Variants in PGF observed in about 807,000 individuals in gnomAD.
PGF encodes the protein placenta growth factor.
In PGF, 11 loss-of-function variants were observed where a neutral mutation model predicts 25.3. The ratio of observed to expected loss-of-function variants is 0.43; its 90% CI spans 0.27 to 0.72. PGF has a LOEUF of 0.72. Ranked by LOEUF, PGF falls within the 30% of genes least tolerant of loss-of-function variation. The pLI, the probability that PGF is intolerant of heterozygous loss-of-function variation, is 0.18. For missense variants in PGF, 230 were observed against 234.9 expected (o/e 0.98, Z 0.14); for synonymous variants, 105 against 97.9 (o/e 1.07, Z -0.43).
At chr14:74,951,357 A>G (rs1383920213) in intron 2 of PGF, among the ~76,000 whole-genome samples, 1 of 152,160 alleles carries the variant, frequency 6.6e-6, no homozygotes, top group Non-Finnish European at 1.5e-5. Context: ...TGCCTTTGCA[A>G]TCCTGGGTCA....
At position 74,948,158 on chromosome 14, in the gene PGF, C is replaced by T. The variant is rs57428457; in HGVS notation, c.392+349G>A. The T allele has an allele frequency of 7.5e-3, 1,684 of 223,488 alleles. 18 individuals are homozygous for T. Among genetic ancestry groups the T allele is most frequent in the African/African-American group, 0.033 (1,476 of 44,258 alleles). The allele number at this position is 223,488 out of a possible 1,614,324, so 13.8% of individuals were successfully genotyped here. On this transcript the variant is annotated intron_variant, in intron 4 of 6. Transcript: ENST00000555567. ...CTTGCAATGTCTTTGCCTCCAGGCA[C>T]CTCTTTCAGAGGCCCGTGGCAGCTG... is the stretch of plus-strand genomic sequence containing the variant.
rs766954932 is a variant in PGF, at chr14:74,948,567, G to C, written c.332C>G (p.Ser111Cys). 1.2e-6 allele frequency: 2 copies of C among 1,603,714 alleles called. No homozygotes were observed. The highest frequency in any genetic ancestry group is 1.7e-6 in the Non-Finnish European group (2 of 1,172,082). The change falls in exon 4 of 7, where the codon TCT becomes TGT. Residue 111 changes from serine (S) to cysteine (C), a missense_variant. Coordinates refer to ENST00000555567, the MANE Select transcript of PGF (RefSeq NM_002632.6). ...CTCCACGTAGGAGGGCCGGTCCCCA[G>C]AACGGATCTTTAGGAGCTGAAGGAA... ...NVTMQLLKIR[S>C]GDRPSYVELT...
chr14:74,953,783 A>C lies in PGF; in HGVS notation c.118+121T>G. On this transcript the variant is annotated intron_variant, in intron 2 of 6. Transcript: ENST00000555567. The surrounding 1 kb of genome is among the most constrained non-coding windows in gnomAD (Gnocchi z 5.4). ...GCCAAAGTCATCACCCAGCATGTCT[A>C]GCTTGTAGGCTCTCCCCAGCTTTTA... The C allele has an allele frequency of 1.0e-6, 1 of 982,456 alleles. No homozygotes were observed. Among genetic ancestry groups the C allele is most frequent in the Non-Finnish European group, 1.6e-6 (1 of 608,376 alleles). The allele number at this position is 982,456 out of a possible 1,614,324, so 60.9% of individuals were successfully genotyped here. A position where few individuals can be genotyped will look rare whatever the true frequency, so the allele number is the denominator to read the frequency against.
chr14:74,953,146 C>T lies in PGF; in HGVS notation c.118+758G>A, dbSNP rs61757881. 4.5e-3 allele frequency among the ~76,000 whole-genome samples: 678 copies of T among 152,300 alleles called. 5 individuals carry two copies. Among genetic ancestry groups the T allele is most frequent in the African/African-American group, 0.016 (655 of 41,566 alleles). On this transcript the variant is annotated intron_variant, in intron 2 of 6. Coordinates refer to ENST00000555567, the MANE Select transcript of PGF (RefSeq NM_002632.6). The surrounding 1 kb of genome is among the most constrained non-coding windows in gnomAD (Gnocchi z 5.4). ...GAGGCGGGCTGCCAGGCAGGCAGCC[C>T]AGCAGAGGGTGTTCCCAGCACGCAG...
chr14:74,952,261 G>A (rs1443205059), intron 2 of PGF, among the ~76,000 whole-genome samples: 2 of 152,228 alleles, frequency 1.3e-5, no homozygotes, highest in African/African-American at 2.4e-5. Context: ...GCTGGGCAGA[G>A]CCACTGGCCA....
intron 3 of PGF, among the ~76,000 whole-genome samples, chr14:74,948,879 A>C (rs1888806935): frequency 6.6e-6 from 1 of 152,324 alleles, no homozygotes; most frequent in South Asian, 2.1e-4. Context: ...CCTGCTGAAC[A>C]AGTGAAATAA....
intron 1 of PGF, among the ~76,000 whole-genome samples, chr14:74,954,385 C>T (rs1024090932): frequency 6.6e-6 from 1 of 152,130 alleles, no homozygotes; most frequent in Non-Finnish European, 1.5e-5. Context: ...CAGCCGGTAA[C>T]GTTACACCTC....
chr14:74,946,752 C>T (rs531385937), intron 4 of PGF: 174 of 702,950 alleles, frequency 2.5e-4, no homozygotes, highest in East Asian at 1.3e-4. Flanking sequence ...TGCTTTTTTC[C>T]GTTCCTTCCA....
At chr14:74,946,612 C>A (rs1401874388) in intron 4 of PGF, 1 of 632,272 alleles carries the variant, frequency 1.6e-6, no homozygotes, top group Non-Finnish European at 2.9e-6. Flanking sequence ...TCTGGTGACC[C>A]CACCACGAGA....
chr14:74,945,982 G>A, intron 6 of PGF: 1 of 569,456 alleles, frequency 1.8e-6, no homozygotes, highest in Non-Finnish European at 3.1e-6. Context: ...GGCTGACAAA[G>A]GTGAAATGAT....
chr14:74,951,668 A>G (rs748673793), intron 2 of PGF, among the ~76,000 whole-genome samples: 1 of 152,144 alleles, frequency 6.6e-6, no homozygotes, highest in Non-Finnish European at 1.5e-5. Context: ...TCGGCAGCAG[A>G]AGAAGGGATT....
chr14:74,947,905 C>T (rs1317522565), intron 4 of PGF: 2 of 152,370 alleles, frequency 1.3e-5, no homozygotes, highest in African/African-American at 2.4e-5. Flanking sequence ...CCTGTTGCTC[C>T]TGCTAACCAA....
At chr14:74,951,564 A>G (rs956813260) in intron 2 of PGF, among the ~76,000 whole-genome samples, 10 of 152,244 alleles carry the variant, frequency 6.6e-5, no homozygotes. Flanking sequence ...ACAGCAGCAG[A>G]GAAGGGGCAC....
In PGF at chr14:74,953,182, C is replaced by T. The variant is rs767799852; in HGVS notation, c.118+722G>A. 3.9e-5 allele frequency among the ~76,000 whole-genome samples: 6 copies of T among 152,342 alleles called. No homozygotes were observed. Among genetic ancestry groups the T allele is most frequent in the African/African-American group, 7.2e-5 (3 of 41,586 alleles). On this transcript the variant is annotated intron_variant, in intron 2 of 6. Coordinates refer to ENST00000555567, the MANE Select transcript of PGF (RefSeq NM_002632.6). The surrounding 1 kb of genome is among the most constrained non-coding windows in gnomAD (Gnocchi z 5.4). ...GTTCCCAGCACGCAGATGGCTATCA[C>T]GCGTGTGCGTGTGCATGTCCCTACA...
At chr14:74,948,411 G>A (rs1888790947) in intron 4 of PGF, 96 bp downstream of exon 4, 2 of 675,430 alleles carry the variant, frequency 3.0e-6, no homozygotes, top group Non-Finnish European at 5.1e-6. Flanking sequence ...CAGCGGGGAT[G>A]GGCAGCCTTT....
At position 74,950,111 on chromosome 14, in the gene PGF, C is replaced by T. The variant is rs1022404217; in HGVS notation, c.119-558G>A. Among the ~76,000 whole-genome samples, 6 of 152,178 alleles carry T rather than the reference C, an allele frequency of 3.9e-5. No individual in the cohort carries two copies. In the East Asian group the frequency reaches 9.6e-4, roughly 24 times the overall value. On this transcript the variant is annotated intron_variant, in intron 2 of 6. Coordinates refer to ENST00000555567, the MANE Select transcript of PGF (RefSeq NM_002632.6). The surrounding 1 kb of genome is among the most constrained non-coding windows in gnomAD (Gnocchi z 4.1). The stretch of plus-strand genomic sequence containing the variant: ...TCCAACCAGCGCTCACACTGAGCCA[C>T]GGCAGCACCACATTCACTCCCAGCT...
At chr14:74,942,825 G>A in intron 6 of PGF, 92 bp from the exon 7 acceptor site, 10 of 1,273,788 alleles carry the variant, frequency 7.9e-6, no homozygotes, top group Non-Finnish European at 1.1e-5. Flanking sequence ...CCCAGAGGAG[G>A]AGCTTGGGCA....
At chr14:74,949,283 G>A in intron 3 of PGF, 74 bp downstream of exon 3, 3 of 1,244,034 alleles carry the variant, frequency 2.4e-6, no homozygotes, top group Non-Finnish European at 3.3e-6. Context: ...TGGGACCTGG[G>A]CCTATCTTCT....
chr14:74,948,354 G>A lies in PGF; in HGVS notation c.392+153C>T, dbSNP rs1468690786. The A allele has an allele frequency of 5.8e-6, 3 of 516,194 alleles. No individual in the cohort carries two copies. In the East Asian group the frequency reaches 9.8e-5, roughly 17 times the overall value. 32.0% of individuals were successfully genotyped at this position (516,194 alleles called of 1,614,324 possible). A position where few individuals can be genotyped will look rare whatever the true frequency, so the allele number is the denominator to read the frequency against. On this transcript the variant is annotated intron_variant, in intron 4 of 6. Transcript: ENST00000555567. Reference sequence around the variant, plus strand: ...GACAAAATGAATGGTAGCCACCCCTGGTCCTGCCCTCTTGGTCTCCCTCAG... The same window carrying A: ...GACAAAATGAATGGTAGCCACCCCTAGTCCTGCCCTCTTGGTCTCCCTCAG...
Sources: gnomAD v4.1 joint callset for allele counts (sites outside exome capture counted in the v4.1 genomes callset) on GRCh38, gnomAD v4.1.1 for gene constraint, Gnocchi (gnomAD v3.1) non-coding constraint, MANE v1.5 for transcripts, NCBI Gene and HGNC (gene_info 2026-07-23, HGNC 2026-07-21) for gene names.